The following MGAT4A variants were observed in gnomAD, a reference collection of about 807,000 sequenced individuals.
MGAT4A encodes alpha-1,3-mannosyl-glycoprotein 4-beta-N-acetylglucosaminyltransferase A.
MGAT4A carries 33 observed loss-of-function variants against 74.1 expected under a neutral mutation model. The ratio of observed to expected loss-of-function variants is 0.45; its 90% CI spans 0.34 to 0.60. The LOEUF (loss-of-function observed/expected upper bound fraction) is 0.60. Among genes scored for constraint, MGAT4A ranks in the 20% least tolerant of loss-of-function variants. The probability of loss-of-function intolerance (pLI) is 0.02; values close to 1 mark genes in which losing one functional copy is unlikely to be tolerated. For missense variants in MGAT4A, 479 were observed against 628.3 expected (o/e 0.76, Z 2.54); for synonymous variants, 198 against 210.4 (o/e 0.94, Z 0.51).
At chr2:98,638,782 T>C (rs1701361171) in intron 12 of MGAT4A, among the ~76,000 whole-genome samples, 3 of 152,236 alleles carry the variant, frequency 2.0e-5, no homozygotes, top group Admixed American at 1.3e-4. Context: ...TTAGTAACAT[T>C]GTATCACAGC....
At chr2:98,706,466 A>C (rs1232915686) in intron 2 of MGAT4A, among the ~76,000 whole-genome samples, 1 of 151,882 alleles carries the variant, frequency 6.6e-6, no homozygotes, top group Non-Finnish European at 1.5e-5. Context: ...AGTAGCAGGG[A>C]CTATAGGCGC....
chr2:98,719,880 C>T (rs1702642678), intron 2 of MGAT4A, among the ~76,000 whole-genome samples: 1 of 152,160 alleles, frequency 6.6e-6, no homozygotes, highest in South Asian at 2.1e-4. Flanking sequence ...CTCCTGACCT[C>T]AGGCGATCCA....
intron 2 of MGAT4A, among the ~76,000 whole-genome samples, chr2:98,683,547 A>AT (rs57300760): frequency 0.032 from 4,827 of 148,596 alleles, 231 homozygotes; most frequent in African/African-American, 0.11. Flanking sequence ...TCATTTCATC[A>AT]TTTTTTTTTT....
intron 4 of MGAT4A, among the ~76,000 whole-genome samples, chr2:98,663,659 A>T (rs779652579): frequency 6.6e-6 from 1 of 152,218 alleles, no homozygotes; most frequent in Non-Finnish European, 1.5e-5. Context: ...ACAAAATAAC[A>T]GTACTCTTTA....
intron 7 of MGAT4A, 38 bp from the exon 8 acceptor site, chr2:98,655,558 G>T: frequency 1.4e-6 from 2 of 1,404,744 alleles, no homozygotes; most frequent in Non-Finnish European, 1.0e-6. Flanking sequence ...TTAGGAATCA[G>T]ACTCAAATTT....
intron 2 of MGAT4A, among the ~76,000 whole-genome samples, chr2:98,724,448 C>A (rs1174093119): frequency 6.6e-6 from 1 of 152,114 alleles, no homozygotes; most frequent in Non-Finnish European, 1.5e-5. Context: ...GTAACCATAA[C>A]CAGAAACCTG....
chr2:98,658,240 C>A lies in MGAT4A; in HGVS notation c.562G>T (p.Val188Phe). Residue 188 changes from valine to phenylalanine, a missense_variant, in exon 6 of 16, where the codon GTT becomes TTT. Transcript: ENST00000393487. ...GETDIDYVHGVVANLEKEFSK... is the reference protein window; with the variant it reads ...GETDIDYVHGFVANLEKEFSK... ...TACTCTTTCTCCAGGTTGGCTACAA[C>A]ACCATGTACATAATCAATATCTGTC... is the stretch of plus-strand genomic sequence containing the variant. The A allele has an allele frequency of 6.4e-7, 1 of 1,571,810 alleles. No homozygotes were observed. The highest frequency in any genetic ancestry group is 8.7e-7 in the Non-Finnish European group (1 of 1,153,712).
intron 2 of MGAT4A, among the ~76,000 whole-genome samples, chr2:98,713,209 A>AAAAG (rs1559175256): frequency 7.8e-6 from 1 of 128,106 alleles, no homozygotes; most frequent in Non-Finnish European, 1.6e-5. Context: ...AAAAAAAAAA[A>AAAAG]GCCGTTTATC....
chr2:98,682,422 CAA>C (rs1013377462), intron 2 of MGAT4A, among the ~76,000 whole-genome samples: 322 of 36,390 alleles, frequency 8.8e-3, no homozygotes, highest in African/African-American at 0.035. Context: ...AATTCCATCT[CAA>C]AAAAAAAAAA....
Position 98,728,120 on chromosome 2 carries a change from C to T in MGAT4A, c.-235-1553G>A, listed in dbSNP as rs1224963687. ...AATTAAAAAAATAAATTATATAACA[C>T]ACACTGATCTACTAAGGAGTAAGTT... On this transcript the variant is annotated intron_variant, in intron 1 of 15. Transcript: ENST00000393487. 2.6e-5 allele frequency among the ~76,000 whole-genome samples: 4 copies of T among 152,268 alleles called. No homozygotes were observed. The South Asian group carries it at 6.2e-4, about 24-fold the overall frequency.
chr2:98,668,583 C>T (rs1701870010), intron 4 of MGAT4A, among the ~76,000 whole-genome samples: 1 of 152,240 alleles, frequency 6.6e-6, no homozygotes, highest in Non-Finnish European at 1.5e-5. Context: ...CAGAGCCCCC[C>T]CAGCAGAGTC....
At position 98,621,806 on chromosome 2, in the gene MGAT4A, T is replaced by C. The variant is rs1299604423; in HGVS notation, c.*3760A>G. On this transcript the variant is annotated 3_prime_UTR_variant, in exon 16 of 16. Transcript: ENST00000393487. ...TTTTTCATTATTATGATAGATTTTT[T>C]AAAGGCCTTCATAATTTTGCTTATA... The C allele has an allele frequency of 9.3e-7, 1 of 1,074,640 alleles. No homozygotes were observed. Among genetic ancestry groups the C allele is most frequent in the East Asian group, 6.5e-5 (1 of 15,462 alleles). The allele number at this position is 1,074,640 out of a possible 1,614,324, so 66.6% of individuals were successfully genotyped here. A position where few individuals can be genotyped will look rare whatever the true frequency, so the allele number is the denominator to read the frequency against.
At chr2:98,725,077 A>G (rs1702741961) in intron 2 of MGAT4A, among the ~76,000 whole-genome samples, 1 of 152,212 alleles carries the variant, frequency 6.6e-6, no homozygotes, top group South Asian at 2.1e-4. Flanking sequence ...TCTGTCTCAA[A>G]AACAAACAAA....
chr2:98,703,173 C>T (rs1702375908), intron 2 of MGAT4A, among the ~76,000 whole-genome samples: 1 of 152,088 alleles, frequency 6.6e-6, no homozygotes, highest in Non-Finnish European at 1.5e-5. Context: ...TGTGAGGAAA[C>T]TGACTCAATG....
intron 2 of MGAT4A, among the ~76,000 whole-genome samples, chr2:98,711,330 C>G (rs1185747460): frequency 6.7e-6 from 1 of 149,862 alleles, no homozygotes; most frequent in African/African-American, 2.5e-5. Flanking sequence ...GGGGAAGCAA[C>G]CAGGTTCCTG....
At chr2:98,704,673 G>C (rs1702398564) in intron 2 of MGAT4A, among the ~76,000 whole-genome samples, 3 of 151,950 alleles carry the variant, frequency 2.0e-5, no homozygotes, top group Non-Finnish European at 4.4e-5. Context: ...GGGAGGCTAA[G>C]GTGGGAGGAT....
At chr2:98,657,671 TAGCA>T (rs1559161284) in intron 6 of MGAT4A, among the ~76,000 whole-genome samples, 2 of 152,316 alleles carry the variant, frequency 1.3e-5, no homozygotes, top group East Asian at 3.9e-4. Flanking sequence ...AAGAAATTCA[TAGCA>T]AGACTAATTT....
chr2:98,653,589 A>G (rs1018678028), intron 8 of MGAT4A, among the ~76,000 whole-genome samples: 2 of 152,110 alleles, frequency 1.3e-5, no homozygotes, highest in Admixed American at 6.5e-5. Context: ...AAATGGATAA[A>G]CCTCTAAAAA....
intron 8 of MGAT4A, among the ~76,000 whole-genome samples, chr2:98,654,657 T>A (rs1443300523): frequency 6.6e-6 from 1 of 152,042 alleles, no homozygotes; most frequent in African/African-American, 2.4e-5. Context: ...AAGATACAAA[T>A]AAATGGAAAG....
Sources: allele counts gnomAD v4.1 joint callset (sites outside exome capture counted in the v4.1 genomes callset), GRCh38; gene constraint gnomAD v4.1.1; transcripts MANE v1.5; gene names NCBI Gene and HGNC (gene_info 2026-07-23, HGNC 2026-07-21).